Variants in REEP5 observed in about 807,000 individuals in gnomAD.
REEP5 encodes the protein receptor accessory protein 5, also known as receptor expression-enhancing protein 5.
In REEP5, 24 loss-of-function variants were observed where a neutral mutation model predicts 22.4. That is an observed-to-expected ratio of 1.07 (90% CI 0.78 to 1.51). The LOEUF is 1.51. Among genes scored for constraint, REEP5 ranks in the 40% most tolerant of loss-of-function variants. The probability of loss-of-function intolerance (pLI) is 0.00; values close to 1 mark genes in which losing one functional copy is unlikely to be tolerated. For missense variants in REEP5, 252 were observed against 233.0 expected, an observed-to-expected ratio of 1.08 and a Z score of -0.53; for synonymous variants, 103 against 88.6, an observed-to-expected ratio of 1.16 and a Z score of -0.92.
rs1023216494 is a variant in REEP5, at chr5:112,892,713, T to C, written c.352-5530A>G. ...ACATCTACTTGTCTTCAGATCAGAC[T>C]GGCTCCTCCTTTGGCAAGAACTCCG... On this transcript the variant is annotated intron_variant, in intron 3 of 4. Transcript: ENST00000379638. 3.1e-6 allele frequency: 5 copies of C among 1,613,936 alleles called. No homozygotes were observed. The African/African-American group carries it at 6.7e-5, about 22-fold the overall frequency.
rs548676996 is a variant in REEP5 at position 112,890,826 on chromosome 5, T to C, written c.352-3643A>G. 1.7e-4 allele frequency among the ~76,000 whole-genome samples: 26 copies of C among 150,898 alleles called. 1 individual carries two copies. Among genetic ancestry groups the C allele is most frequent in the African/African-American group, 5.4e-4 (22 of 40,604 alleles). On this transcript the variant is annotated intron_variant, in intron 3 of 4. Transcript: ENST00000379638. Reference sequence around the variant, plus strand: ...TGCCATTTACTAGCTAAGCAAACCTTATACAAGTTACTTAATCACTTAAGT... The same window carrying C: ...TGCCATTTACTAGCTAAGCAAACCTCATACAAGTTACTTAATCACTTAAGT...
At chr5:112,908,088 T>TTGTG (rs1561657616) in intron 2 of REEP5, among the ~76,000 whole-genome samples, 1 of 76,520 alleles carries the variant, frequency 1.3e-5, no homozygotes, top group African/African-American at 6.6e-5. Flanking sequence ...ATCAGAGACT[T>TTGTG]TCTTTGTTTT....
intron 4 of REEP5, among the ~76,000 whole-genome samples, chr5:112,883,583 CTA>C (rs1395332067): frequency 6.6e-6 from 1 of 152,196 alleles, no homozygotes; most frequent in African/African-American, 2.4e-5. Context: ...TGTTTCCTAA[CTA>C]CACTACCTTC....
intron 3 of REEP5, among the ~76,000 whole-genome samples, chr5:112,888,096 C>G (rs934526281): frequency 5.9e-5 from 9 of 152,236 alleles, no homozygotes; most frequent in African/African-American, 2.2e-4. Context: ...AAGTCACTTA[C>G]AGAGATTCCA....
rs1561650596 is a variant in REEP5 at position 112,891,901 on chromosome 5, C to G, written c.352-4718G>C. ...GTGGTTGCTGAGGGAGCAGAAGGCA[C>G]AAGAAGAATTCAGAATAAAGAAGGA... On this transcript the variant is annotated intron_variant, in intron 3 of 4. Transcript: ENST00000379638. 2.3e-6 allele frequency: 3 copies of G among 1,324,988 alleles called. No individual in the cohort carries two copies. In the South Asian group the frequency reaches 3.5e-5, roughly 16 times the overall value. The allele number at this position is 1,324,988 out of a possible 1,614,324, so 82.1% of individuals were successfully genotyped here. A position where few individuals can be genotyped will look rare whatever the true frequency, so the allele number is the denominator to read the frequency against.
intron 3 of REEP5, among the ~76,000 whole-genome samples, chr5:112,900,642 T>C (rs1032049018): frequency 2.0e-5 from 3 of 151,972 alleles, no homozygotes; most frequent in Admixed American, 2.0e-4. Flanking sequence ...AGCTCTTCTG[T>C]AGGTGAAGAG....
At chr5:112,888,897 A>ATATCTCAC in intron 3 of REEP5, among the ~76,000 whole-genome samples, 1 of 150,772 alleles carries the variant, frequency 6.6e-6, no homozygotes. Flanking sequence ...TGTGTTGTGG[A>ATATCTCAC]AAGGACAGGG....
intron 2 of REEP5, among the ~76,000 whole-genome samples, chr5:112,913,241 G>A (rs987084334): frequency 6.6e-6 from 1 of 151,776 alleles, no homozygotes; most frequent in African/African-American, 2.4e-5. Context: ...GCTGCAGTGA[G>A]CTGATTGCGC....
intron 4 of REEP5, chr5:112,885,578 G>A: frequency 3.9e-6 from 1 of 257,212 alleles, no homozygotes. Context: ...ATCCTGTTGG[G>A]CATTCTGGAC....
chr5:112,914,015 A>G (rs111459814), intron 2 of REEP5, among the ~76,000 whole-genome samples: 6 of 151,574 alleles, frequency 4.0e-5, no homozygotes, highest in African/African-American at 1.2e-4. Flanking sequence ...ATTAGTACAC[A>G]CCTGTAGTCC....
rs2150032317 is a variant in REEP5, at chr5:112,878,572, CGTG to C, written c.*211_*213del. 1.7e-6 allele frequency: 1 copy of C among 586,740 alleles called. No individual in the cohort carries two copies. The highest frequency in any genetic ancestry group is 3.0e-5 in the East Asian group (1 of 32,834). 36.3% of individuals were successfully genotyped at this position (586,740 alleles called of 1,614,324 possible). On this transcript the variant is annotated 3_prime_UTR_variant, in exon 5 of 5. Transcript: ENST00000379638. ...AGAGGCAAAATACATTTTCCAAAAA[CGTG>C]GACACTGCCCACTGCATTAAGTTTA...
At chr5:112,914,349 A>G (rs927955070) in intron 2 of REEP5, among the ~76,000 whole-genome samples, 3 of 150,668 alleles carry the variant, frequency 2.0e-5, no homozygotes, top group African/African-American at 7.3e-5. Flanking sequence ...TCTCAAGCTC[A>G]GGTGATTCTC....
chr5:112,913,921 T>C (rs1215324932), intron 2 of REEP5, among the ~76,000 whole-genome samples: 1 of 70,834 alleles, frequency 1.4e-5, no homozygotes, highest in Non-Finnish European at 3.3e-5. Context: ...TGTGTGTGTT[T>C]GTGTGTGTGT....
At chr5:112,884,954 C>G (rs1252389861) in intron 4 of REEP5, 1 of 152,166 alleles carries the variant, frequency 6.6e-6, no homozygotes, top group Admixed American at 6.5e-5. Context: ...ATGCTTGGCA[C>G]ATATTAAACA....
intron 2 of REEP5, among the ~76,000 whole-genome samples, chr5:112,914,092 G>C (rs1463413536): frequency 6.6e-6 from 1 of 151,180 alleles, no homozygotes; most frequent in Non-Finnish European, 1.5e-5. Context: ...GCAGTGAGCT[G>C]TGTTCATGCC....
chr5:112,920,176 C>T (rs956554212), intron 2 of REEP5, among the ~76,000 whole-genome samples: 9 of 152,192 alleles, frequency 5.9e-5, no homozygotes, highest in Non-Finnish European at 1.3e-4. Flanking sequence ...TAGGTAACTG[C>T]AATTTAATTG....
At chr5:112,919,671 A>T (rs1413815009) in intron 2 of REEP5, among the ~76,000 whole-genome samples, 1 of 152,204 alleles carries the variant, frequency 6.6e-6, no homozygotes, top group African/African-American at 2.4e-5. Context: ...CATGTGAGGA[A>T]GCAGTGAGAA....
chr5:112,890,785 CT>C (rs1768414885), intron 3 of REEP5, among the ~76,000 whole-genome samples: 1 of 150,790 alleles, frequency 6.6e-6, no homozygotes, highest in Non-Finnish European at 1.5e-5. Flanking sequence ...AAGAAACTAA[CT>C]TCCAATCCTG....
intron 2 of REEP5, among the ~76,000 whole-genome samples, chr5:112,917,039 G>C (rs543851644): frequency 6.6e-6 from 1 of 152,174 alleles, no homozygotes; most frequent in East Asian, 1.9e-4. Flanking sequence ...ATGGGCTTGT[G>C]AGGACACACA....
Sources: allele counts gnomAD v4.1 joint callset (sites outside exome capture counted in the v4.1 genomes callset), GRCh38; gene constraint gnomAD v4.1.1; transcripts MANE v1.5; gene names NCBI Gene and HGNC (gene_info 2026-07-23, HGNC 2026-07-21).